ATP5F1A: variants seen among roughly 807,000 people sequenced by gnomAD.
The protein encoded by ATP5F1A is ATP synthase F(1) complex subunit alpha, mitochondrial.
In ATP5F1A, 24 loss-of-function variants were observed where a neutral mutation model predicts 57.4. That is an observed-to-expected ratio of 0.42 (90% CI 0.30 to 0.59). The LOEUF (loss-of-function observed/expected upper bound fraction) is 0.59. Among genes scored for constraint, ATP5F1A ranks in the 20% least tolerant of loss-of-function variants. ATP5F1A has a pLI of 0.19. For missense variants in ATP5F1A, 494 were observed against 707.9 expected (o/e 0.70, Z 3.43); for synonymous variants, 251 against 255.5 (o/e 0.98, Z 0.17).
intron 5 of ATP5F1A, among the ~76,000 whole-genome samples, chr18:46,088,848 C>G (rs928010714): frequency 9.9e-5 from 15 of 151,910 alleles, no homozygotes; most frequent in East Asian, 1.9e-4. Context: ...GTGTAAAACC[C>G]AATCGTACAT....
intron 1 of ATP5F1A, chr18:46,097,748 T>A: frequency 1.1e-6 from 1 of 904,126 alleles, no homozygotes; most frequent in Non-Finnish European, 1.3e-6. Flanking sequence ...AATGTCAGAC[T>A]CCACTGACTA....
At chr18:46,087,818 T>C (rs553905497) in intron 6 of ATP5F1A, 1 of 444,916 alleles carries the variant, frequency 2.2e-6, no homozygotes, top group Non-Finnish European at 4.0e-6. Context: ...AGGCAGAGGT[T>C]GCAGTGAGCT....
chr18:46,089,417 C>T, intron 5 of ATP5F1A, 149 bp downstream of exon 5: 1 of 763,866 alleles, frequency 1.3e-6, no homozygotes, highest in Non-Finnish European at 2.1e-6. Context: ...GAGGGGCTGG[C>T]CCCCTTCACT....
rs747662715 is a variant in ATP5F1A at position 46,086,145 on chromosome 18, C to T, written c.1397G>A (p.Arg466His). The T allele has an allele frequency of 3.7e-6, 6 of 1,612,114 alleles. No homozygotes were observed. The highest frequency in any genetic ancestry group is 1.1e-5 in the South Asian group (1 of 90,994). ...TCCTTGCTTCAGCAACTCAGTTAGA[C>T]GCACGCCACGACTCAAAAGTTGTTG... ...ATQQLLSRGV[R>H]LTELLKQGQY... Residue 466 changes from arginine (R) to histidine (H), a missense_variant, in exon 10 of 12, where the codon CGT (arginine) becomes CAT (histidine). This residue lies in a region of ATP5F1A where 127 missense variants were observed against 195.2 expected (regional missense o/e 0.65). Transcript: ENST00000398752.
At chr18:46,098,415 A>T (rs903006586), upstream of ATP5F1A, 4 of 1,345,392 alleles carry the variant, frequency 3.0e-6, no homozygotes, top group Non-Finnish European at 3.8e-6. Context: ...CAGGTTACTT[A>T]TTTTTTTATG....
chr18:46,088,840 G>A (rs1910322152), intron 5 of ATP5F1A: 1 of 152,118 alleles, frequency 6.6e-6, no homozygotes, highest in Non-Finnish European at 1.5e-5. Context: ...ATGTCTTGGT[G>A]TAAAACCCAA....
At position 46,084,662 on chromosome 18, in the gene ATP5F1A, G is replaced by C; in HGVS notation, c.1430-8C>G. On this transcript the variant is annotated splice_region_variant and splice_polypyrimidine_tract_variant and intron_variant, in intron 10 of 11. Coordinates refer to ENST00000398752, the MANE Select transcript of ATP5F1A (RefSeq NM_004046.6). ...CTTCAATAGCCATGGGAGCTGAAAA[G>C]ATACAAGAAGAATGCCAAGTGAGTT... is the stretch of plus-strand genomic sequence containing the variant. The C allele has an allele frequency of 2.6e-6, 4 of 1,549,130 alleles. No individual in the cohort carries two copies. The highest frequency in any genetic ancestry group is 3.5e-6 in the Non-Finnish European group (4 of 1,153,220).
chr18:46,086,661 G>A (rs1910121109), intron 8 of ATP5F1A, 167 bp from the exon 9 acceptor site: 5 of 642,228 alleles, frequency 7.8e-6, no homozygotes, highest in African/African-American at 5.5e-5. Context: ...GCTGCAATTA[G>A]GAGATGTGCA....
chr18:46,094,855 T>C (rs1910824494), intron 2 of ATP5F1A, 198 bp downstream of exon 2: 4 of 794,270 alleles, frequency 5.0e-6, no homozygotes, highest in Non-Finnish European at 6.8e-6. Flanking sequence ...AAGAAAAATA[T>C]GTAACAGTAG....
At chr18:46,092,186 T>TAAA (rs1910607766) in intron 2 of ATP5F1A, 2 of 28,666 alleles carry the variant, frequency 7.0e-5, no homozygotes, top group African/African-American at 2.7e-4. Context: ...CTCAAAATAA[T>TAAA]AATAATAATA....
rs993469123 is a variant in ATP5F1A, at chr18:46,088,217, G to A, written c.691C>T (p.Arg231Cys). The A allele has an allele frequency of 3.8e-6, 6 of 1,596,844 alleles. No homozygotes were observed. Among genetic ancestry groups the A allele is most frequent in the African/African-American group, 1.4e-5 (1 of 73,768 alleles). Residue 231 changes from arginine to cysteine, a missense_variant, in exon 6 of 12, where the codon CGT becomes TGT. By Grantham distance (180) the Arg-to-Cys change is radical. This residue lies in a region of ATP5F1A where 191 missense variants were observed against 267.7 expected (regional missense o/e 0.71). Transcript: ENST00000398752. ...IAIDTIINQK[R>C]FNDGSDEKKK... ...TTTTCATCAGATCCATCATTGAAAC[G>A]TTTCTGGTTAATGATTGTGTCAATA...
chr18:46,089,937 T>A lies in ATP5F1A; in HGVS notation c.369A>T (p.Lys123Asn). Reference sequence around the variant, plus strand: ...TCACTATATCTCCTTCCTTAATTAGTTTATCATTTCCAAACACGACAACAC... The same window carrying A: ...TCACTATATCTCCTTCCTTAATTAGATTATCATTTCCAAACACGACAACAC... ...NVGVVVFGNDKLIKEGDIVKR... is the reference protein window; with the variant it reads ...NVGVVVFGNDNLIKEGDIVKR... The change falls in exon 4 of 12, where the codon AAA (lysine) becomes AAT (asparagine). Residue 123 changes from lysine (K) to asparagine (N), a missense_variant. By Grantham distance (94) the Lys-to-Asn change is moderately conservative. This residue lies in a region of ATP5F1A where 191 missense variants were observed against 267.7 expected (regional missense o/e 0.71). Coordinates refer to ENST00000398752, the MANE Select transcript of ATP5F1A (RefSeq NM_004046.6). The A allele has an allele frequency of 1.2e-6, 2 of 1,613,166 alleles. No individual in the cohort carries two copies. Among genetic ancestry groups the A allele is most frequent in the Non-Finnish European group, 1.7e-6 (2 of 1,179,744 alleles).
chr18:46,090,555 A>G (rs1449690158), intron 3 of ATP5F1A, among the ~76,000 whole-genome samples: 1 of 152,216 alleles, frequency 6.6e-6, no homozygotes, highest in African/African-American at 2.4e-5. Context: ...CATTAAAACT[A>G]TATTTTAGAT....
At chr18:46,099,738 C>A (rs1404362870), upstream of ATP5F1A, among the ~76,000 whole-genome samples, 1 of 152,152 alleles carries the variant, frequency 6.6e-6, no homozygotes. Context: ...CCGCTTTTCA[C>A]CGTTTGGAGA....
At chr18:46,093,388 T>A (rs11875599) in intron 2 of ATP5F1A, 19,513 of 147,082 alleles carry the variant, frequency 0.13, 1,663 homozygotes, top group East Asian at 0.39. Flanking sequence ...AAAAAAAAAA[T>A]TAGCCAGCTG....
exon 1 of ATP5F1A, chr18:46,104,191 A>C: frequency 2.5e-6 from 1 of 406,056 alleles, no homozygotes. Context: ...GGAAGGCGGG[A>C]AGAGCTGGGA....
rs1909908917 is a variant in ATP5F1A at position 46,084,031 on chromosome 18, T to G, written c.*251A>C. ...ACTTACAAAGAGCTCAGCCTTGAAT[T>G]ATCTAGCCCAGTTGACTGTACCAAT... On this transcript the variant is annotated 3_prime_UTR_variant, in exon 12 of 12. Transcript: ENST00000398752. The G allele has an allele frequency of 1.7e-5, 6 of 351,234 alleles. No individual in the cohort carries two copies. The highest frequency in any genetic ancestry group is 3.0e-5 in the Non-Finnish European group (6 of 197,910). The allele number at this position is 351,234 out of a possible 1,614,324, so 21.8% of individuals were successfully genotyped here.
intron 1 of ATP5F1A, among the ~76,000 whole-genome samples, chr18:46,097,106 TG>T (rs1442407210): frequency 6.6e-6 from 1 of 151,982 alleles, no homozygotes; most frequent in Non-Finnish European, 1.5e-5. Context: ...TGCAGCCACC[TG>T]GAACTTCCTT....
rs1421685380 is a variant in ATP5F1A at position 46,083,680 on chromosome 18, T to C, written c.*602A>G. On this transcript the variant is annotated 3_prime_UTR_variant, in exon 12 of 12. Coordinates refer to ENST00000398752, the MANE Select transcript of ATP5F1A (RefSeq NM_004046.6). ...AATTTCTCTTAAACACAAAGTACTC[T>C]AGAAACTTACAAAGAGCAGCCGGGT... 6.6e-6 allele frequency: 1 copy of C among 151,934 alleles called. No individual in the cohort carries two copies. Among genetic ancestry groups the C allele is most frequent in the Non-Finnish European group, 1.5e-5 (1 of 68,046 alleles). 9.4% of individuals were successfully genotyped at this position (151,934 alleles called of 1,614,324 possible).
Sources: gnomAD v4.1 joint callset for allele counts (sites outside exome capture counted in the v4.1 genomes callset) on GRCh38, gnomAD v4.1.1 for gene constraint, gnomAD v4.1.1 regional missense constraint, MANE v1.5 for transcripts, NCBI Gene and HGNC (gene_info 2026-07-23, HGNC 2026-07-21) for gene names.